Variants in SYPL2 observed in about 807,000 individuals in gnomAD.
The protein encoded by SYPL2 is synaptophysin like 2.
A neutral mutation model predicts 31.3 loss-of-function variants in SYPL2; 24 were observed. That is an observed-to-expected ratio of 0.77 (90% CI 0.56 to 1.08). SYPL2 has a LOEUF of 1.08. SYPL2 is among the 50% of genes least tolerant of loss of function. The probability of loss-of-function intolerance (pLI) is 0.00; values close to 1 mark genes in which losing one functional copy is unlikely to be tolerated. For missense variants in SYPL2, 342 were observed against 360.1 expected, an observed-to-expected ratio of 0.95 and a Z score of 0.41; for synonymous variants, 144 against 143.1, an observed-to-expected ratio of 1.01 and a Z score of -0.05.
chr1:109,470,319 T>G (rs1450622502), intron 2 of SYPL2, among the ~76,000 whole-genome samples: 9 of 152,208 alleles, frequency 5.9e-5, no homozygotes, highest in African/African-American at 1.7e-4. Flanking sequence ...GAGATAAGCG[T>G]GGGAGTAGGA....
chr1:109,478,019 G>A lies in SYPL2; in HGVS notation c.648+10G>A. The stretch of plus-strand genomic sequence containing the variant: ...GGCCAACATCTCCGTGGTGAGACCT[G>A]TGGCCACTGCAGGAAGCAGCACCAG... On this transcript the variant is annotated intron_variant, in intron 5 of 5. Coordinates refer to ENST00000369872, the MANE Select transcript of SYPL2 (RefSeq NM_001040709.2). The surrounding 1 kb of genome is among the most constrained non-coding windows in gnomAD (Gnocchi z 4.0). 6.2e-7 allele frequency: 1 copy of A among 1,613,680 alleles called. No homozygotes were observed.
chr1:109,476,866 C>A lies in SYPL2; in HGVS notation c.345C>A (p.Ala115=). Residue 115 remains alanine (A), a synonymous_variant, in exon 4 of 6, where the codon GCC becomes GCA. Coordinates refer to ENST00000369872, the MANE Select transcript of SYPL2 (RefSeq NM_001040709.2). ...MHLMGDFSAP[A]EFFVTLGIFS... The stretch of plus-strand genomic sequence containing the variant: ...TCATGGGGGACTTCTCTGCACCCGC[C>A]GAGTTCTTCGTGACCCTTGGCATCT... The A allele has an allele frequency of 6.2e-7, 1 of 1,614,204 alleles. No homozygotes were observed. Among genetic ancestry groups the A allele is most frequent in the South Asian group, 1.1e-5 (1 of 91,086 alleles).
At chr1:109,475,501 C>T in intron 2 of SYPL2, 80 bp from the exon 3 acceptor site, 2 of 1,548,058 alleles carry the variant, frequency 1.3e-6, no homozygotes, top group Non-Finnish European at 1.8e-6. Flanking sequence ...AATGTCTGCA[C>T]CTGCGGGGAG....
At position 109,468,936 on chromosome 1, in the gene SYPL2, T is replaced by G. The variant is rs1419926346; in HGVS notation, c.129+1803T>G. ...CTTCAAGTACTTAGAAAGGGGGTTG[T>G]GCAAAACAGAGACCCTTTTCTCTCA... On this transcript the variant is annotated intron_variant, in intron 2 of 5. Coordinates refer to ENST00000369872, the MANE Select transcript of SYPL2 (RefSeq NM_001040709.2). Among the ~76,000 whole-genome samples the G allele has an allele frequency of 3.3e-5, 5 of 152,208 alleles. No individual in the cohort carries two copies. The East Asian group carries it at 9.7e-4, about 29-fold the overall frequency.
intron 2 of SYPL2, among the ~76,000 whole-genome samples, chr1:109,468,786 A>G (rs1338445001): frequency 2.0e-5 from 3 of 152,224 alleles, no homozygotes; most frequent in African/African-American, 7.2e-5. Context: ...CCTTCCCTCC[A>G]CGCAGCACTC....
At chr1:109,474,802 A>G (rs1405187098) in intron 2 of SYPL2, among the ~76,000 whole-genome samples, 1 of 152,240 alleles carries the variant, frequency 6.6e-6, no homozygotes, top group African/African-American at 2.4e-5. Context: ...GGATCTTAAC[A>G]CTGAGAAATG....
In SYPL2 at chr1:109,469,896, G is replaced by C. The variant is rs76449172; in HGVS notation, c.129+2763G>C. The stretch of plus-strand genomic sequence containing the variant: ...AAAAGGAAGATAGAGACAGATTTTT[G>C]AGGTCAGATAGGCTTCGGTTTAAAT... On this transcript the variant is annotated intron_variant, in intron 2 of 5. Coordinates refer to ENST00000369872, the MANE Select transcript of SYPL2 (RefSeq NM_001040709.2). Among the ~76,000 whole-genome samples the C allele has an allele frequency of 4.7e-3, 706 of 149,636 alleles. 9 individuals are homozygous for C. The highest frequency in any genetic ancestry group is 0.017 in the African/African-American group (682 of 40,848).
chr1:109,471,523 C>G (rs991404148), intron 2 of SYPL2, among the ~76,000 whole-genome samples: 9 of 152,122 alleles, frequency 5.9e-5, no homozygotes, highest in African/African-American at 1.7e-4. Flanking sequence ...TAAGATAGTA[C>G]CTGCTAGTCA....
intron 2 of SYPL2, among the ~76,000 whole-genome samples, chr1:109,474,262 A>G (rs1315482123): frequency 6.6e-6 from 1 of 151,586 alleles, no homozygotes; most frequent in Non-Finnish European, 1.5e-5. Flanking sequence ...TGAGCAGATG[A>G]TGTGGAGGAT....
intron 4 of SYPL2, 97 bp downstream of exon 4, chr1:109,477,074 C>A: frequency 6.9e-7 from 1 of 1,448,966 alleles, no homozygotes; most frequent in Non-Finnish European, 9.5e-7. Flanking sequence ...ATGGCGGCTT[C>A]CACCCCCATG....
Position 109,475,439 on chromosome 1 carries a change from C to G in SYPL2, c.130-142C>G, listed in dbSNP as rs961304998. The G allele has an allele frequency of 1.0e-5, 12 of 1,184,004 alleles. No individual in the cohort carries two copies. In the African/African-American group the frequency reaches 1.7e-4, roughly 17 times the overall value. The allele number at this position is 1,184,004 out of a possible 1,614,324, so 73.3% of individuals were successfully genotyped here. ...ATAAATGGAAGCCATGGGTTTCTAC[C>G]TAGGAAGAACTTGATTAAAGGGGAT... On this transcript the variant is annotated intron_variant, in intron 2 of 5. Coordinates refer to ENST00000369872, the MANE Select transcript of SYPL2 (RefSeq NM_001040709.2).
chr1:109,472,247 G>T (rs917163424), intron 2 of SYPL2, among the ~76,000 whole-genome samples: 1 of 151,698 alleles, frequency 6.6e-6, no homozygotes, highest in Non-Finnish European at 1.5e-5. Flanking sequence ...CCCCAGAGTA[G>T]CTGGGACCAC....
rs1557857670 is a variant in SYPL2, at chr1:109,466,713, G to A, written c.-131G>A. 1 of 991,600 alleles carries A rather than the reference G, an allele frequency of 1.0e-6. No individual in the cohort carries two copies. The highest frequency in any genetic ancestry group is 1.3e-6 in the Non-Finnish European group (1 of 747,442). The allele number at this position is 991,600 out of a possible 1,614,324, so 61.4% of individuals were successfully genotyped here. A position where few individuals can be genotyped will look rare whatever the true frequency, so the allele number is the denominator to read the frequency against. ...CCAGACTGGACTCCGGCCCACCGAC[G>A]GCCGCTCGCGCTCCGGCCCCGCTCG... is the stretch of plus-strand genomic sequence containing the variant. On this transcript the variant is annotated 5_prime_UTR_variant, in exon 1 of 6. Coordinates refer to ENST00000369872, the MANE Select transcript of SYPL2 (RefSeq NM_001040709.2).
At chr1:109,474,264 G>A (rs931139881) in intron 2 of SYPL2, among the ~76,000 whole-genome samples, 1 of 151,736 alleles carries the variant, frequency 6.6e-6, no homozygotes, top group Admixed American at 6.6e-5. Flanking sequence ...AGCAGATGAT[G>A]TGGAGGATAA....
intron 2 of SYPL2, among the ~76,000 whole-genome samples, chr1:109,468,672 T>G (rs1457177734): frequency 6.6e-6 from 1 of 152,164 alleles, no homozygotes; most frequent in Non-Finnish European, 1.5e-5. Context: ...CCAACAGAAT[T>G]TGAGACAGAC....
intron 2 of SYPL2, among the ~76,000 whole-genome samples, chr1:109,470,220 GC>G (rs1655788720): frequency 6.6e-6 from 1 of 152,152 alleles, no homozygotes; most frequent in Non-Finnish European, 1.5e-5. Context: ...GAGTTCCTGG[GC>G]TCAGGTGATA....
intron 4 of SYPL2, among the ~76,000 whole-genome samples, chr1:109,477,438 A>C (rs1013489823): frequency 6.6e-6 from 1 of 152,120 alleles, no homozygotes; most frequent in South Asian, 2.1e-4. Context: ...GGGTGCCTTA[A>C]GGGACCCCAT....
intron 2 of SYPL2, among the ~76,000 whole-genome samples, chr1:109,470,521 C>G (rs962138473): frequency 6.6e-6 from 1 of 152,212 alleles, no homozygotes; most frequent in Non-Finnish European, 1.5e-5. Context: ...ATGACCGTCG[C>G]TGTCCCAGCA....
At chr1:109,477,000 G>A (rs1557861365) in intron 4 of SYPL2, 23 bp downstream of exon 4, 1 of 1,613,608 alleles carries the variant, frequency 6.2e-7, no homozygotes, top group Non-Finnish European at 8.5e-7. Flanking sequence ...AGGCCAGAAG[G>A]AATGGGGTGG....
Sources: allele counts gnomAD v4.1 joint callset (sites outside exome capture counted in the v4.1 genomes callset), GRCh38; gene constraint gnomAD v4.1.1; non-coding constraint Gnocchi (gnomAD v3.1); transcripts MANE v1.5; gene names NCBI Gene and HGNC (gene_info 2026-07-23, HGNC 2026-07-21).